The following MGAT4C variants were observed in gnomAD, a reference collection of about 807,000 sequenced individuals.
MGAT4C encodes the protein alpha-1,3-mannosyl-glycoprotein 4-beta-N-acetylglucosaminyltransferase C.
A neutral mutation model predicts 40.1 loss-of-function variants in MGAT4C; 19 were observed. That is an observed-to-expected ratio of 0.47 (90% CI 0.33 to 0.70). MGAT4C has a LOEUF of 0.70. Among genes scored for constraint, MGAT4C ranks in the 30% least tolerant of loss-of-function variants. The probability of loss-of-function intolerance (pLI) is 0.02; values close to 1 mark genes in which losing one functional copy is unlikely to be tolerated. For synonymous variants in MGAT4C, 181 were observed against 187.1 expected (o/e 0.97, Z 0.27); for missense variants, 491 against 563.2 (o/e 0.87, Z 1.30).
At chr12:85,996,149 T>A (rs754644381) in intron 2 of MGAT4C, among the ~76,000 whole-genome samples, 1 of 151,536 alleles carries the variant, frequency 6.6e-6, no homozygotes, top group Non-Finnish European at 1.5e-5. Flanking sequence ...CTGAAACTAA[T>A]CAGAGAGAAA....
chr12:86,549,269 T>A (rs1046863298), intron 2 of MGAT4C, among the ~76,000 whole-genome samples: 2 of 152,034 alleles, frequency 1.3e-5, no homozygotes, highest in African/African-American at 2.4e-5. Context: ...ATATAATTTT[T>A]AAATAAATAA....
chr12:86,520,342 T>C (rs1275118887), intron 2 of MGAT4C, among the ~76,000 whole-genome samples: 1 of 152,200 alleles, frequency 6.6e-6, no homozygotes, highest in East Asian at 1.9e-4. Context: ...TGTTCTTGCA[T>C]CTGTTTGCTA....
intron 2 of MGAT4C, among the ~76,000 whole-genome samples, chr12:86,628,176 C>T (rs979788764): frequency 1.3e-5 from 2 of 151,962 alleles, no homozygotes; most frequent in Admixed American, 6.6e-5. Flanking sequence ...TGAAATGAAG[C>T]TAGAAGAGAA....
intron 1 of MGAT4C, among the ~76,000 whole-genome samples, chr12:86,752,520 T>G (rs991664727): frequency 6.6e-6 from 1 of 152,092 alleles, no homozygotes; most frequent in Non-Finnish European, 1.5e-5. Context: ...CTTGTCAATT[T>G]CCATAAAATT....
chr12:86,758,369 C>T (rs959060851), intron 1 of MGAT4C, among the ~76,000 whole-genome samples: 6 of 118,104 alleles, frequency 5.1e-5, no homozygotes, highest in Admixed American at 3.3e-4. Context: ...TTTTTATGTC[C>T]GAATCCTTTT....
At chr12:86,318,343 T>C (rs192058533) in intron 4 of MGAT4C, among the ~76,000 whole-genome samples, 1 of 152,346 alleles carries the variant, frequency 6.6e-6, no homozygotes, top group Admixed American at 6.5e-5. Flanking sequence ...TAAGCAGTAC[T>C]GTCTACACCT....
At chr12:86,780,055 CATTT>C (rs1951811783) in intron 1 of MGAT4C, among the ~76,000 whole-genome samples, 1 of 151,900 alleles carries the variant, frequency 6.6e-6, no homozygotes, top group East Asian at 1.9e-4. Context: ...GCCAATTCCC[CATTT>C]ATTTTTTAAT....
chr12:86,699,950 T>A (rs1207826416), intron 2 of MGAT4C, among the ~76,000 whole-genome samples: 1 of 151,776 alleles, frequency 6.6e-6, no homozygotes, highest in South Asian at 2.1e-4. Flanking sequence ...TAGGAGCACT[T>A]GATGTAATCG....
At chr12:86,519,817 C>A (rs1309548204) in intron 2 of MGAT4C, among the ~76,000 whole-genome samples, 1 of 152,102 alleles carries the variant, frequency 6.6e-6, no homozygotes, top group African/African-American at 2.4e-5. Context: ...CCATATCCAA[C>A]AGATAGTTTG....
chr12:86,646,506 C>A (rs1465502316), intron 2 of MGAT4C, among the ~76,000 whole-genome samples: 1 of 151,838 alleles, frequency 6.6e-6, no homozygotes, highest in African/African-American at 2.4e-5. Flanking sequence ...TGAGTATAGA[C>A]TACAAGTTCT....
At chr12:86,545,290 A>G (rs1360216762) in intron 2 of MGAT4C, among the ~76,000 whole-genome samples, 1 of 152,054 alleles carries the variant, frequency 6.6e-6, no homozygotes, top group Non-Finnish European at 1.5e-5. Flanking sequence ...CCATTTTTCT[A>G]AAATAGATGC....
chr12:86,697,717 G>C (rs977288145), intron 2 of MGAT4C, among the ~76,000 whole-genome samples: 1 of 152,036 alleles, frequency 6.6e-6, no homozygotes, highest in Non-Finnish European at 1.5e-5. Flanking sequence ...TGACCACAAT[G>C]ACAACTGCAA....
chr12:85,988,675 T>C (rs1410101253), intron 3 of MGAT4C, among the ~76,000 whole-genome samples: 2 of 151,986 alleles, frequency 1.3e-5, no homozygotes, highest in Admixed American at 6.6e-5. Context: ...CATGAAATGA[T>C]GTGATGATAA....
At chr12:86,620,124 A>T (rs557475647) in intron 2 of MGAT4C, among the ~76,000 whole-genome samples, 10 of 152,190 alleles carry the variant, frequency 6.6e-5, no homozygotes. Context: ...AATGTAAATT[A>T]CTACAACCTC....
chr12:86,807,643 T>C (rs1363484835), intron 1 of MGAT4C, among the ~76,000 whole-genome samples: 11 of 152,144 alleles, frequency 7.2e-5, no homozygotes, highest in Non-Finnish European at 1.5e-4. Flanking sequence ...ATATAACCAC[T>C]AATGGGATTG....
intron 2 of MGAT4C, among the ~76,000 whole-genome samples, chr12:86,037,944 C>T (rs968930881): frequency 6.7e-6 from 1 of 149,126 alleles, no homozygotes; most frequent in Non-Finnish European, 1.5e-5. Context: ...GGTGATCAGA[C>T]CCAACACCAG....
intron 2 of MGAT4C, among the ~76,000 whole-genome samples, chr12:86,436,301 G>T (rs1957136496): frequency 6.6e-6 from 1 of 151,816 alleles, no homozygotes; most frequent in African/African-American, 2.4e-5. Context: ...ATTTATGATT[G>T]TAGAAATCTC....
intron 3 of MGAT4C, among the ~76,000 whole-genome samples, chr12:86,387,005 AT>A (rs1310572964): frequency 3.3e-5 from 5 of 152,176 alleles, no homozygotes; most frequent in Non-Finnish European, 7.4e-5. Context: ...CATAGTTGGA[AT>A]TTGCCATATG....
At chr12:86,513,344 T>C (rs558034416) in intron 2 of MGAT4C, among the ~76,000 whole-genome samples, 5 of 152,164 alleles carry the variant, frequency 3.3e-5, no homozygotes, top group African/African-American at 1.2e-4. Flanking sequence ...GTAGGGTTCA[T>C]CTGAAGGACG....
Sources: allele counts gnomAD v4.1 joint callset (sites outside exome capture counted in the v4.1 genomes callset), GRCh38; gene constraint gnomAD v4.1.1; transcripts MANE v1.5; gene names NCBI Gene and HGNC (gene_info 2026-07-23, HGNC 2026-07-21).